MAP3K13: variants seen among roughly 807,000 people sequenced by gnomAD.
The protein encoded by MAP3K13 is mitogen-activated protein kinase kinase kinase 13, also known as leucine zipper-bearing kinase.
Under a neutral mutation model 104.0 loss-of-function variants are expected in MAP3K13, and 52 were observed. That is an observed-to-expected ratio of 0.50 (90% CI 0.40 to 0.63). The LOEUF is 0.63. MAP3K13 is among the 20% of genes least tolerant of loss of function. The pLI, the probability that MAP3K13 is intolerant of heterozygous loss-of-function variation, is 0.00. For synonymous variants in MAP3K13, 394 were observed against 442.2 expected (o/e 0.89, Z 1.37); for missense variants, 914 against 1,218.5 (o/e 0.75, Z 3.72).
chr3:185,308,009 CTTTTTTTT>C (rs33949195), intron 2 of MAP3K13, among the ~76,000 whole-genome samples: 1 of 31,566 alleles, frequency 3.2e-5, no homozygotes, highest in African/African-American at 1.2e-4. Flanking sequence ...TCTTTGGGGT[CTTTTTTTT>C]TTTTTTTTTT....
rs986011257 is a variant in MAP3K13 at position 185,467,060 on chromosome 3, C to T, written c.1643+97C>T. On this transcript the variant is annotated intron_variant, in intron 10 of 13. Coordinates refer to ENST00000265026, the MANE Select transcript of MAP3K13 (RefSeq NM_004721.5). Reference sequence around the variant, plus strand: ...ATGGCGGATGTGGCCTCTTCTTTAGCTCATCAGATGACTGTAGAGATACTC... The same window carrying T: ...ATGGCGGATGTGGCCTCTTCTTTAGTTCATCAGATGACTGTAGAGATACTC... 5 of 1,372,426 alleles carry T rather than the reference C, an allele frequency of 3.6e-6. No individual in the cohort carries two copies. The African/African-American group carries it at 5.7e-5, about 16-fold the overall frequency. The allele number at this position is 1,372,426 out of a possible 1,614,324, so 85.0% of individuals were successfully genotyped here.
intron 1 of MAP3K13, among the ~76,000 whole-genome samples, chr3:185,392,466 A>C (rs1164899012): frequency 2.6e-5 from 4 of 152,192 alleles, no homozygotes; most frequent in Non-Finnish European, 5.9e-5. Context: ...AGGCATGTGG[A>C]GTGTGTTGCA....
intron 2 of MAP3K13, among the ~76,000 whole-genome samples, chr3:185,304,829 T>C (rs527559774): frequency 2.0e-5 from 3 of 152,294 alleles, no homozygotes; most frequent in Admixed American, 2.0e-4. Context: ...AGATGGGGTT[T>C]CACAATGTTG....
At position 185,468,197 on chromosome 3, in the gene MAP3K13, C is replaced by T. The variant is rs564809501; in HGVS notation, c.1643+1234C>T. Among the ~76,000 whole-genome samples the T allele has an allele frequency of 3.3e-5, 5 of 152,198 alleles. No homozygotes were observed. The East Asian group carries it at 7.7e-4, about 24-fold the overall frequency. ...GTGGGGACGTAGACTCAAACCGTAT[C>T]ACTCATCATGGAAACAAAAGCAGGG... On this transcript the variant is annotated intron_variant, in intron 10 of 13. Coordinates refer to ENST00000265026, the MANE Select transcript of MAP3K13 (RefSeq NM_004721.5).
chr3:185,441,066 A>G (rs542235922), intron 3 of MAP3K13, among the ~76,000 whole-genome samples: 171 of 152,336 alleles, frequency 1.1e-3, no homozygotes, highest in African/African-American at 3.8e-3. Context: ...TGGAGTGGGC[A>G]TGGACTTTCA....
chr3:185,363,126 T>G (rs1447645437), upstream of MAP3K13: 7 of 974,706 alleles, frequency 7.2e-6, no homozygotes, highest in Non-Finnish European at 8.5e-6. Flanking sequence ...CCGCCCCTCT[T>G]TTTTTTTTCA....
chr3:185,486,186 C>T lies in MAP3K13; in HGVS notation c.*3730C>T, dbSNP rs146903372. The T allele has an allele frequency of 1.3e-5, 2 of 152,248 alleles. No individual in the cohort carries two copies. The highest frequency in any genetic ancestry group is 2.4e-5 in the African/African-American group (1 of 41,540). The allele number at this position is 152,248 out of a possible 1,614,324, so 9.4% of individuals were successfully genotyped here. ...CCTAGAAAACCTACCCCTGATACCT[C>T]GTAATTTTGATCAGTTTTTTTTGAA... On this transcript the variant is annotated 3_prime_UTR_variant, in exon 14 of 14. Transcript: ENST00000265026.
At chr3:185,461,966 T>G (rs1717134370) in intron 7 of MAP3K13, among the ~76,000 whole-genome samples, 1 of 152,048 alleles carries the variant, frequency 6.6e-6, no homozygotes, top group African/African-American at 2.4e-5. Flanking sequence ...GAATGCAAAA[T>G]GGTGCAGCTA....
At chr3:185,294,993 C>G (rs182829377) in intron 2 of MAP3K13, among the ~76,000 whole-genome samples, 2 of 152,288 alleles carry the variant, frequency 1.3e-5, no homozygotes, top group Admixed American at 1.3e-4. Context: ...CTCCTCCCCC[C>G]TCTAATCTCA....
intron 5 of MAP3K13, 50 bp downstream of exon 5, chr3:185,447,997 GC>G: frequency 6.4e-7 from 1 of 1,550,502 alleles, no homozygotes; most frequent in Non-Finnish European, 8.8e-7. Context: ...TCCCACTTTC[GC>G]CCTATTAGCA....
At chr3:185,301,969 G>T (rs1057353075) in intron 2 of MAP3K13, among the ~76,000 whole-genome samples, 2 of 151,886 alleles carry the variant, frequency 1.3e-5, no homozygotes, top group South Asian at 4.2e-4. Context: ...GATTTCATAT[G>T]AATTAAAAAT....
At chr3:185,442,451 GT>G (rs1177676668) in intron 3 of MAP3K13, among the ~76,000 whole-genome samples, 5 of 151,868 alleles carry the variant, frequency 3.3e-5, no homozygotes, top group African/African-American at 1.2e-4. Flanking sequence ...AAAAGTAGAA[GT>G]ATTTTCTCTG....
intron 2 of MAP3K13, among the ~76,000 whole-genome samples, chr3:185,435,572 TTTG>T (rs1203905100): frequency 7.9e-5 from 12 of 152,208 alleles, no homozygotes; most frequent in African/African-American, 2.9e-4. Flanking sequence ...GCTATTTGTA[TTTG>T]AGAGAGATTT....
chr3:185,322,028 G>A (rs1191685885), intron 2 of MAP3K13, among the ~76,000 whole-genome samples: 1 of 152,186 alleles, frequency 6.6e-6, no homozygotes, highest in Non-Finnish European at 1.5e-5. Context: ...CTAGAAATAG[G>A]AAGATGACCT....
At chr3:185,348,518 A>G (rs1723016820) in intron 2 of MAP3K13, among the ~76,000 whole-genome samples, 1 of 152,174 alleles carries the variant, frequency 6.6e-6, no homozygotes, top group Non-Finnish European at 1.5e-5. Context: ...TTCACTCATA[A>G]CAGGAGCAAG....
In MAP3K13 at chr3:185,428,755, G is replaced by C. The variant is rs116513117; in HGVS notation, c.174G>C (p.Glu58Asp). The C allele has an allele frequency of 3.3e-4, 526 of 1,614,170 alleles. 4 individuals are homozygous for C. In the African/African-American group the frequency reaches 6.8e-3, roughly 21 times the overall value. Reference protein sequence around the residue: ...EKGMVRTELIESVHSPVTTTV... With the variant: ...EKGMVRTELIDSVHSPVTTTV... The stretch of plus-strand genomic sequence containing the variant: ...GGATGGTACGAACAGAGCTAATCGA[G>C]AGCGTGCACAGCCCCGTCACCACAA... The change falls in exon 2 of 14, where the codon GAG (glutamate) becomes GAC (aspartate). Residue 58 changes from glutamate to aspartate, a missense_variant. This residue lies in a region of MAP3K13 where 156 missense variants were observed against 159.8 expected (regional missense o/e 0.98). Coordinates refer to ENST00000265026, the MANE Select transcript of MAP3K13 (RefSeq NM_004721.5).
intron 2 of MAP3K13, among the ~76,000 whole-genome samples, chr3:185,342,336 T>A (rs761691695): frequency 2.0e-5 from 3 of 152,214 alleles, no homozygotes; most frequent in Non-Finnish European, 4.4e-5. Context: ...ATCTGTCCCT[T>A]CTGCAGTTTT....
At chr3:185,376,781 T>A (rs1250342619) in intron 1 of MAP3K13, among the ~76,000 whole-genome samples, 1 of 151,964 alleles carries the variant, frequency 6.6e-6, no homozygotes, top group African/African-American at 2.4e-5. Flanking sequence ...GTTTGGGAGA[T>A]TAACCGGACG....
intron 7 of MAP3K13, among the ~76,000 whole-genome samples, chr3:185,457,470 G>A (rs903363444): frequency 4.6e-5 from 7 of 152,170 alleles, no homozygotes; most frequent in Non-Finnish European, 8.8e-5. Context: ...TATAGGTGAT[G>A]CCTTCTCACT....
Sources: gnomAD v4.1 joint callset for allele counts (sites outside exome capture counted in the v4.1 genomes callset) on GRCh38, gnomAD v4.1.1 for gene constraint, gnomAD v4.1.1 regional missense constraint, MANE v1.5 for transcripts, NCBI Gene and HGNC (gene_info 2026-07-23, HGNC 2026-07-21) for gene names.